EMCN: variants seen among roughly 807,000 people sequenced by gnomAD.
EMCN encodes the protein MUC-14.
EMCN carries 37 observed loss-of-function variants against 38.4 expected under a neutral mutation model. The ratio of observed to expected loss-of-function variants is 0.96; its 90% CI spans 0.74 to 1.27. The LOEUF is 1.27. Among genes scored for constraint, EMCN ranks in the 50% most tolerant of loss-of-function variants. EMCN has a pLI of 0.00. For synonymous variants in EMCN, 95 were observed against 100.8 expected (o/e 0.94, Z 0.35); for missense variants, 318 against 302.8 (o/e 1.05, Z -0.37).
At chr4:100,514,978 C>T (rs1021894294) in intron 1 of EMCN, among the ~76,000 whole-genome samples, 14 of 152,004 alleles carry the variant, frequency 9.2e-5, no homozygotes, top group African/African-American at 2.2e-4. Flanking sequence ...TATAAACTTA[C>T]GATATTTAGC....
rs1256284835 is a variant in EMCN, at chr4:100,473,373, G to GTTTT, written c.259+1661_259+1664dup. ...GGCATTTCCCGTTTCGTGTTTTTTT[G>GTTTT]TTTTTTTTTTTTGTTTTTTTTTTTG... is the stretch of plus-strand genomic sequence containing the variant. On this transcript the variant is annotated intron_variant, in intron 3 of 11. Coordinates refer to ENST00000296420, the MANE Select transcript of EMCN (RefSeq NM_016242.4). Among the ~76,000 whole-genome samples, 261 of 65,978 alleles carry GTTTT rather than the reference G, an allele frequency of 4.0e-3. 41 individuals carry two copies. The highest frequency in any genetic ancestry group is 4.4e-3 in the Non-Finnish European group (149 of 33,504). The allele number at this position is 65,978 out of a possible 152,430, so 43.3% of individuals were successfully genotyped here. A position where few individuals can be genotyped will look rare whatever the true frequency, so the allele number is the denominator to read the frequency against.
At chr4:100,493,736 G>A (rs1269244981) in intron 1 of EMCN, among the ~76,000 whole-genome samples, 1 of 152,134 alleles carries the variant, frequency 6.6e-6, no homozygotes. Context: ...ATATAAGTGA[G>A]TTATTTATAT....
chr4:100,417,197 T>C (rs1560606273), intron 8 of EMCN, 56 bp from the exon 9 acceptor site: 1 of 1,551,430 alleles, frequency 6.4e-7, no homozygotes, highest in African/African-American at 1.4e-5. Flanking sequence ...ACCATAAATA[T>C]GAGCAAGCCC....
At chr4:100,487,721 G>A (rs116017795) in intron 1 of EMCN, among the ~76,000 whole-genome samples, 217 of 152,248 alleles carry the variant, frequency 1.4e-3, no homozygotes, top group African/African-American at 4.8e-3. Context: ...CCCACCTGCC[G>A]TCATGTAAGA....
At position 100,457,974 on chromosome 4, in the gene EMCN, G is replaced by A. The variant is rs183128788; in HGVS notation, c.376+7449C>T. ...TCTACTAAAAATACGAAAATTACCC[G>A]GGCATGGTAGTGGGTGCCTGTAATC... On this transcript the variant is annotated intron_variant, in intron 4 of 11. Coordinates refer to ENST00000296420, the MANE Select transcript of EMCN (RefSeq NM_016242.4). Among the ~76,000 whole-genome samples, 539 of 152,044 alleles carry A rather than the reference G, an allele frequency of 3.5e-3. 5 individuals carry two copies. The highest frequency in any genetic ancestry group is 8.9e-3 in the South Asian group (43 of 4,814).
chr4:100,511,841 A>T lies in EMCN; in HGVS notation c.64+6010T>A, dbSNP rs1279427312. ...GCTTCTGTTCAGACAGTTTATAAAA[A>T]AAAAAATAGGAAGAGGAGAAAAGGA... On this transcript the variant is annotated intron_variant, in intron 1 of 11. Transcript: ENST00000296420. 3.3e-5 allele frequency among the ~76,000 whole-genome samples: 5 copies of T among 151,890 alleles called. No individual in the cohort carries two copies. The East Asian group carries it at 9.7e-4, about 29-fold the overall frequency.
Position 100,473,021 on chromosome 4 carries a change from AT to A in EMCN, c.259+2016del, listed in dbSNP as rs34138082. Among the ~76,000 whole-genome samples, 508 of 124,292 alleles carry A rather than the reference AT, an allele frequency of 4.1e-3. 2 individuals are homozygous for A. The highest frequency in any genetic ancestry group is 0.012 in the African/African-American group (438 of 35,738). The allele number at this position is 124,292 out of a possible 152,430, so 81.5% of individuals were successfully genotyped here. ...GTATATATATATATTATATATATAT[AT>A]TTTTTTTTTTTGAGGTGGAGTTTAT... On this transcript the variant is annotated intron_variant, in intron 3 of 11. Transcript: ENST00000296420.
intron 1 of EMCN, among the ~76,000 whole-genome samples, chr4:100,516,208 A>G (rs34717305): frequency 0.16 from 24,864 of 152,122 alleles, 2,109 homozygotes; most frequent in Admixed American, 0.18. Flanking sequence ...CAAAATGACC[A>G]TAACAGAAAA....
At chr4:100,488,553 T>C (rs2110289648) in intron 1 of EMCN, among the ~76,000 whole-genome samples, 1 of 152,334 alleles carries the variant, frequency 6.6e-6, no homozygotes, top group African/African-American at 2.4e-5. Context: ...AGATGAAATC[T>C]TTTTATAGAT....
chr4:100,457,950 C>G (rs1303780899), intron 4 of EMCN, among the ~76,000 whole-genome samples: 3 of 152,114 alleles, frequency 2.0e-5, no homozygotes, highest in South Asian at 2.1e-4. Context: ...AATCCCGTCT[C>G]TACTAAAAAT....
intron 11 of EMCN, among the ~76,000 whole-genome samples, chr4:100,399,287 T>C (rs189528785): frequency 1.3e-5 from 2 of 152,178 alleles, no homozygotes; most frequent in African/African-American, 2.4e-5. Context: ...TTAGGTGGTG[T>C]TGTGTTGCTG....
At chr4:100,458,894 A>G (rs1304632823) in intron 4 of EMCN, among the ~76,000 whole-genome samples, 2 of 152,106 alleles carry the variant, frequency 1.3e-5, no homozygotes, top group Non-Finnish European at 2.9e-5. Context: ...TTCTGTCTTG[A>G]TGGTAAAACC....
intron 1 of EMCN, among the ~76,000 whole-genome samples, chr4:100,511,754 T>A (rs191285845): frequency 6.6e-6 from 1 of 152,072 alleles, no homozygotes; most frequent in Non-Finnish European, 1.5e-5. Flanking sequence ...TAAACTAAAA[T>A]GTTCTCATCA....
chr4:100,426,079 T>C (rs890130578), intron 5 of EMCN, among the ~76,000 whole-genome samples: 3 of 152,118 alleles, frequency 2.0e-5, no homozygotes, highest in Non-Finnish European at 4.4e-5. Context: ...CATCTGACAA[T>C]GGTACATATT....
rs559332682 is a variant in EMCN, at chr4:100,505,191, G to A, written c.64+12660C>T. ...ATCCAGTAAATATCAGTGCAGCCTG[G>A]CATTCGGGGCCACTACTGGTCTCCG... On this transcript the variant is annotated intron_variant, in intron 1 of 11. Transcript: ENST00000296420. Among the ~76,000 whole-genome samples, 17 of 152,204 alleles carry A rather than the reference G, an allele frequency of 1.1e-4. No homozygotes were observed. The South Asian group carries it at 3.5e-3, about 32-fold the overall frequency.
chr4:100,424,239 G>T (rs1483174453), intron 5 of EMCN, among the ~76,000 whole-genome samples: 1 of 152,058 alleles, frequency 6.6e-6, no homozygotes, highest in Non-Finnish European at 1.5e-5. Context: ...TTTGTACTTA[G>T]AAAACTTTTT....
chr4:100,422,921 T>G, intron 7 of EMCN, 100 bp downstream of exon 7: 1 of 1,196,876 alleles, frequency 8.4e-7, no homozygotes, highest in Non-Finnish European at 1.2e-6. Context: ...TCAGTAAAGT[T>G]GAGAAAAGGC....
intron 4 of EMCN, 41 bp from the exon 5 acceptor site, chr4:100,447,612 T>G: frequency 1.5e-6 from 2 of 1,300,342 alleles, no homozygotes; most frequent in Non-Finnish European, 2.2e-6. Context: ...TACAATTAAA[T>G]GTTGAATATC....
intron 4 of EMCN, among the ~76,000 whole-genome samples, chr4:100,457,991 C>T (rs1246213276): frequency 2.0e-5 from 3 of 152,010 alleles, no homozygotes; most frequent in Non-Finnish European, 4.4e-5. Context: ...GTAGTGGGTG[C>T]CTGTAATCCC....
Sources: gnomAD v4.1 joint callset for allele counts (sites outside exome capture counted in the v4.1 genomes callset) on GRCh38, gnomAD v4.1.1 for gene constraint, MANE v1.5 for transcripts, NCBI Gene and HGNC (gene_info 2026-07-23, HGNC 2026-07-21) for gene names.